The following USP32 variants were observed in gnomAD, a reference collection of about 807,000 sequenced individuals.
USP32 encodes the protein ubiquitin carboxyl-terminal hydrolase 32.
Under a neutral mutation model 204.8 loss-of-function variants are expected in USP32, and 59 were observed. The observed-to-expected ratio is 0.29, with a 90% CI of 0.23 to 0.36. The LOEUF (loss-of-function observed/expected upper bound fraction) is 0.36, where lower values mean the gene tolerates loss of function less well. USP32 is among the 10% of genes least tolerant of loss of function. The pLI is 1.00. For missense variants in USP32, 1,160 were observed against 1,946.4 expected (o/e 0.60, Z 7.60); for synonymous variants, 517 against 678.4 (o/e 0.76, Z 3.70).
At chr17:60,226,310 A>G (rs1598097702) in intron 12 of USP32, 79 bp from the exon 13 acceptor site, 1 of 1,308,032 alleles carries the variant, frequency 7.6e-7, no homozygotes, top group East Asian at 2.8e-5. Context: ...AAATCTCACA[A>G]TTATCTATTT....
chr17:60,416,079 C>T (rs1191885996), intron 1 of USP32, among the ~76,000 whole-genome samples: 5 of 152,138 alleles, frequency 3.3e-5, no homozygotes, highest in Non-Finnish European at 5.9e-5. Context: ...ACCTCATGAT[C>T]TGCCCGCGTC....
intron 1 of USP32, among the ~76,000 whole-genome samples, chr17:60,365,201 C>T (rs778260347): frequency 2.6e-5 from 4 of 152,050 alleles, no homozygotes. Context: ...CATGTTTTAG[C>T]CGGGTGCGGT....
intron 1 of USP32, chr17:60,421,598 G>A (rs1226913071): frequency 2.0e-5 from 20 of 983,042 alleles, no homozygotes; most frequent in Non-Finnish European, 2.3e-5. Context: ...AACTGCGGGG[G>A]CAACGGTCTC....
chr17:60,367,119 G>A (rs928654433), intron 1 of USP32, among the ~76,000 whole-genome samples: 15 of 152,118 alleles, frequency 9.9e-5, no homozygotes, highest in Admixed American at 4.6e-4. Context: ...GAGCCACCGC[G>A]CCTAGCCTAA....
chr17:60,325,987 A>G (rs1276435963), intron 2 of USP32, among the ~76,000 whole-genome samples: 1 of 151,522 alleles, frequency 6.6e-6, no homozygotes, highest in Non-Finnish European at 1.5e-5. Context: ...AAAAAAAAAA[A>G]AAAAAAGTAA....
chr17:60,179,159 C>A lies in USP32; in HGVS notation c.*96G>T. The A allele has an allele frequency of 7.3e-7, 1 of 1,376,714 alleles. No individual in the cohort carries two copies. The highest frequency in any genetic ancestry group is 9.9e-7 in the Non-Finnish European group (1 of 1,014,438). 85.3% of individuals were successfully genotyped at this position (1,376,714 alleles called of 1,614,324 possible). Reference sequence around the variant, plus strand: ...TCAGGGCCACAGGATAAAATAACTACATTTAGCTTGCCTTTCAGTGACGCT... The same window carrying A: ...TCAGGGCCACAGGATAAAATAACTAAATTTAGCTTGCCTTTCAGTGACGCT... On this transcript the variant is annotated 3_prime_UTR_variant, in exon 34 of 34. Coordinates refer to ENST00000300896, the MANE Select transcript of USP32 (RefSeq NM_032582.4).
chr17:60,213,520 A>AT, intron 18 of USP32, 61 bp downstream of exon 18: 2 of 722,308 alleles, frequency 2.8e-6, no homozygotes, highest in Non-Finnish European at 2.3e-6. Flanking sequence ...ATGGGTTATT[A>AT]GTAACTCTTT....
At chr17:60,264,558 G>T (rs975229093) in intron 9 of USP32, among the ~76,000 whole-genome samples, 3 of 150,272 alleles carry the variant, frequency 2.0e-5, no homozygotes, top group Non-Finnish European at 4.4e-5. Flanking sequence ...GAAATTTCTT[G>T]AAAGAATAGA....
chr17:60,325,639 G>A (rs2088214673), intron 2 of USP32, among the ~76,000 whole-genome samples: 1 of 151,992 alleles, frequency 6.6e-6, no homozygotes, highest in Non-Finnish European at 1.5e-5. Context: ...TAAAATAACA[G>A]TAAAGGGCCA....
In USP32 at chr17:60,219,728, G is replaced by A. The variant is rs1220262819; in HGVS notation, c.1809C>T (p.Leu603=). ...GAGTGGCAGGCTGCTGTCTCAGGAAGAGAAGATAGCGGGGAAATAATTCCA... is the reference window on the plus strand; with the variant it reads ...GAGTGGCAGGCTGCTGTCTCAGGAAAAGAAGATAGCGGGGAAATAATTCCA... ...PELELFPRYL[L]FLRQQPATRT... The change falls in exon 16 of 34, where the codon CTC becomes CTT. Residue 603 remains leucine, a synonymous_variant. Coordinates refer to ENST00000300896, the MANE Select transcript of USP32 (RefSeq NM_032582.4). 6.2e-7 allele frequency: 1 copy of A among 1,613,528 alleles called. No individual in the cohort carries two copies. The highest frequency in any genetic ancestry group is 1.3e-5 in the African/African-American group (1 of 74,860).
intron 1 of USP32, among the ~76,000 whole-genome samples, chr17:60,403,913 G>A (rs1270039143): frequency 1.3e-5 from 2 of 151,862 alleles, no homozygotes; most frequent in Non-Finnish European, 2.9e-5. Flanking sequence ...TTTGGCACAC[G>A]CCTGTGGGTC....
At chr17:60,395,278 A>G (rs1393845648), upstream of USP32, among the ~76,000 whole-genome samples, 2 of 152,228 alleles carry the variant, frequency 1.3e-5, no homozygotes, top group Non-Finnish European at 2.9e-5. Context: ...CTAAGGTCAT[A>G]AAAATTTCCA....
chr17:60,362,912 A>C (rs2089238283), intron 1 of USP32, among the ~76,000 whole-genome samples: 2 of 152,080 alleles, frequency 1.3e-5, no homozygotes, highest in Non-Finnish European at 2.9e-5. Flanking sequence ...ATCTAACCAA[A>C]TTGTAATAAC....
chr17:60,232,496 T>A (rs906625165), intron 12 of USP32, among the ~76,000 whole-genome samples: 3 of 148,582 alleles, frequency 2.0e-5, no homozygotes, highest in Non-Finnish European at 4.5e-5. Context: ...TTTTTTTTTT[T>A]AAACAAGGCG....
At chr17:60,207,904 T>C in intron 24 of USP32, 155 bp downstream of exon 24, 1 of 1,330,980 alleles carries the variant, frequency 7.5e-7, no homozygotes, top group East Asian at 2.4e-5. Context: ...AGTTTCTGGG[T>C]TGGAAAACTT....
intron 1 of USP32, among the ~76,000 whole-genome samples, chr17:60,373,126 G>A (rs760166362): frequency 3.4e-4 from 52 of 152,270 alleles, no homozygotes; most frequent in Middle Eastern, 6.8e-3. Flanking sequence ...CCAGGAGCTC[G>A]AGGCTACAGT....
chr17:60,406,824 T>C (rs960590128), intron 1 of USP32, among the ~76,000 whole-genome samples: 2 of 152,122 alleles, frequency 1.3e-5, no homozygotes, highest in Non-Finnish European at 2.9e-5. Context: ...TTTCTTTCTT[T>C]CTTTCTTTCT....
In USP32 at chr17:60,392,089, G is replaced by T; in HGVS notation, c.-150C>A. The T allele has an allele frequency of 1.2e-6, 1 of 813,292 alleles. No individual in the cohort carries two copies. The highest frequency in any genetic ancestry group is 1.9e-5 in the South Asian group (1 of 53,558). 50.4% of individuals were successfully genotyped at this position (813,292 alleles called of 1,614,324 possible). ...CACTAACAAGTGCGGCTTCTGCCCC[G>T]GCGGCTCCTCCCGGTCGCCGCCACC... On this transcript the variant is annotated 5_prime_UTR_variant, in exon 1 of 34. Transcript: ENST00000300896.
At chr17:60,375,368 G>T (rs983794988) in intron 1 of USP32, among the ~76,000 whole-genome samples, 1 of 152,066 alleles carries the variant, frequency 6.6e-6, no homozygotes, top group African/African-American at 2.4e-5. Flanking sequence ...ATACTACTAT[G>T]CAAACTGAGA....
Sources: allele counts gnomAD v4.1 joint callset (sites outside exome capture counted in the v4.1 genomes callset), GRCh38; gene constraint gnomAD v4.1.1; transcripts MANE v1.5; gene names NCBI Gene and HGNC (gene_info 2026-07-23, HGNC 2026-07-21).